Variants in MYO16 observed in about 807,000 individuals in gnomAD.
MYO16 encodes the protein unconventional myosin-XVI.
In MYO16, 94 loss-of-function variants were observed where a neutral mutation model predicts 205.3. That is an observed-to-expected ratio of 0.46 (90% CI 0.39 to 0.54). MYO16 has a LOEUF of 0.54. Ranked by LOEUF, MYO16 falls within the 20% of genes least tolerant of loss-of-function variation. The pLI, the probability that MYO16 is intolerant of heterozygous loss-of-function variation, is 0.00. For missense variants in MYO16, 2,315 were observed against 2,387.5 expected, an observed-to-expected ratio of 0.97 and a Z score of 0.63; for synonymous variants, 988 against 954.0, an observed-to-expected ratio of 1.04 and a Z score of -0.66.
chr13:108,740,708 G>A (rs1273365076), intron 4 of MYO16, among the ~76,000 whole-genome samples: 2 of 152,168 alleles, frequency 1.3e-5, no homozygotes, highest in Non-Finnish European at 2.9e-5. Flanking sequence ...GCTGCCTTTT[G>A]TTCAGCTATG....
chr13:108,862,178 C>T (rs1230236281), intron 11 of MYO16, among the ~76,000 whole-genome samples: 1 of 152,046 alleles, frequency 6.6e-6, no homozygotes, highest in African/African-American at 2.4e-5. Context: ...GTCTGAAATG[C>T]CAAACATCTA....
chr13:108,939,651 C>A (rs1218865582), intron 16 of MYO16, among the ~76,000 whole-genome samples: 1 of 152,150 alleles, frequency 6.6e-6, no homozygotes, highest in African/African-American at 2.4e-5. Context: ...TAGATTCTAA[C>A]CACTTTTCTT....
At chr13:109,205,796 C>T (rs1251466762) in intron 34 of MYO16, among the ~76,000 whole-genome samples, 1 of 152,092 alleles carries the variant, frequency 6.6e-6, no homozygotes, top group Non-Finnish European at 1.5e-5. Context: ...ATGATGTAGC[C>T]AATACAGTTA....
At chr13:108,901,004 A>G (rs1369326526) in intron 15 of MYO16, among the ~76,000 whole-genome samples, 1 of 152,138 alleles carries the variant, frequency 6.6e-6, no homozygotes, top group East Asian at 1.9e-4. Flanking sequence ...TAGCAGAGGG[A>G]TGAAATAAGC....
chr13:109,149,561 G>A (rs763983546), intron 32 of MYO16, among the ~76,000 whole-genome samples: 4 of 152,040 alleles, frequency 2.6e-5, no homozygotes, highest in Non-Finnish European at 5.9e-5. Context: ...AATGATACAA[G>A]GTCTCTGTTT....
At chr13:108,819,968 T>G (rs1875875208) in intron 7 of MYO16, among the ~76,000 whole-genome samples, 1 of 152,226 alleles carries the variant, frequency 6.6e-6, no homozygotes, top group Admixed American at 6.5e-5. Context: ...CGTTTTAAAG[T>G]TTCAGTGTAG....
rs368726411 is a variant in MYO16 at position 109,119,698 on chromosome 13, C to T, written c.3439-672C>T. On this transcript the variant is annotated intron_variant, in intron 28 of 34. Coordinates refer to ENST00000457511, the MANE Select transcript of MYO16 (RefSeq NM_001198950.3). ...AAGTTCTCATGCCACTAGAGCTTGT[C>T]ATATAAACTGATTTCATGTCATGCT... Among the ~76,000 whole-genome samples, 11 of 152,314 alleles carry T rather than the reference C, an allele frequency of 7.2e-5. No homozygotes were observed. The East Asian group carries it at 1.2e-3, about 16-fold the overall frequency.
intron 34 of MYO16, among the ~76,000 whole-genome samples, chr13:109,187,951 G>T (rs746700294): frequency 6.6e-6 from 1 of 152,218 alleles, no homozygotes; most frequent in African/African-American, 2.4e-5. Flanking sequence ...GAGCACAGAA[G>T]TCTCCAACTA....
intron 4 of MYO16, among the ~76,000 whole-genome samples, chr13:108,739,631 G>A (rs779043887): frequency 2.6e-5 from 4 of 152,012 alleles, no homozygotes; most frequent in South Asian, 2.1e-4. Flanking sequence ...TGCTCTTCTC[G>A]AGGAGTATCT....
chr13:108,665,788 C>A (rs754871651), intron 1 of MYO16, 98 bp from the exon 2 acceptor site: 158 of 1,252,134 alleles, frequency 1.3e-4, no homozygotes, highest in Non-Finnish European at 1.6e-4. Context: ...GCATTTATGA[C>A]CTGTGCAATG....
chr13:108,776,694 A>G (rs1162766845), intron 4 of MYO16, among the ~76,000 whole-genome samples: 1 of 152,202 alleles, frequency 6.6e-6, no homozygotes, highest in East Asian at 1.9e-4. Flanking sequence ...AGGTTGCACT[A>G]TAGCCTATTA....
the MYO16 span, among the ~76,000 whole-genome samples, chr13:108,546,210 T>C: frequency 6.6e-6 from 1 of 152,142 alleles, no homozygotes; most frequent in South Asian, 2.1e-4. Flanking sequence ...CTTGGATGAC[T>C]GGGGTTTCCA....
chr13:109,181,815 TA>T (rs1274866862), intron 34 of MYO16, among the ~76,000 whole-genome samples: 8 of 140,760 alleles, frequency 5.7e-5, no homozygotes, highest in African/African-American at 2.1e-4. Flanking sequence ...TTTATTTATT[TA>T]TTTTATTTTA....
chr13:108,723,815 T>G (rs1268476219), intron 3 of MYO16, among the ~76,000 whole-genome samples: 1 of 152,118 alleles, frequency 6.6e-6, no homozygotes, highest in Non-Finnish European at 1.5e-5. Flanking sequence ...TCCTTTGCAT[T>G]AACTTATGAA....
intron 4 of MYO16, among the ~76,000 whole-genome samples, chr13:108,783,054 G>A (rs746099952): frequency 4.6e-5 from 7 of 152,074 alleles, no homozygotes; most frequent in Non-Finnish European, 1.0e-4. Flanking sequence ...GTGAGAAGAT[G>A]GCCATCATCC....
chr13:108,584,840 T>TA, the MYO16 span, among the ~76,000 whole-genome samples: 2 of 152,222 alleles, frequency 1.3e-5, no homozygotes, highest in Admixed American at 1.3e-4. Flanking sequence ...TTAATACTTT[T>TA]AAAATTGTAT....
chr13:108,971,254 T>C (rs1221472561), intron 20 of MYO16, among the ~76,000 whole-genome samples: 2 of 151,892 alleles, frequency 1.3e-5, no homozygotes, highest in Non-Finnish European at 2.9e-5. Context: ...TACAGGGTTA[T>C]AGAAACTTTG....
At chr13:108,656,608 C>T (rs1881257105) in intron 1 of MYO16, among the ~76,000 whole-genome samples, 1 of 152,172 alleles carries the variant, frequency 6.6e-6, no homozygotes, top group African/African-American at 2.4e-5. Context: ...AATTCATCCA[C>T]ATCAGATAAA....
chr13:108,835,628 G>C (rs1876873471), intron 9 of MYO16, among the ~76,000 whole-genome samples: 1 of 152,184 alleles, frequency 6.6e-6, no homozygotes, highest in Non-Finnish European at 1.5e-5. Flanking sequence ...GAACTTCTGA[G>C]AGACTTGTTG....
Sources: gnomAD v4.1 joint callset for allele counts (sites outside exome capture counted in the v4.1 genomes callset) on GRCh38, gnomAD v4.1.1 for gene constraint, MANE v1.5 for transcripts, NCBI Gene and HGNC (gene_info 2026-07-23, HGNC 2026-07-21) for gene names.